The following ABHD2 variants were observed in gnomAD, a reference collection of about 807,000 sequenced individuals.
ABHD2 encodes monoacylglycerol lipase ABHD2.
In ABHD2, 20 loss-of-function variants were observed where a neutral mutation model predicts 48.1. That is an observed-to-expected ratio of 0.42 (90% CI 0.29 to 0.60). ABHD2 has a LOEUF of 0.60. Ranked by LOEUF, ABHD2 falls within the 20% of genes least tolerant of loss-of-function variation. The pLI, the probability that ABHD2 is intolerant of heterozygous loss-of-function variation, is 0.24. For missense variants in ABHD2, 405 were observed against 550.9 expected, an observed-to-expected ratio of 0.74 and a Z score of 2.65; for synonymous variants, 209 against 214.2, an observed-to-expected ratio of 0.98 and a Z score of 0.21.
In ABHD2 at chr15:89,104,902, T is replaced by C. The variant is rs1179007542; in HGVS notation, c.-106-8823T>C. On this transcript the variant is annotated intron_variant, in intron 1 of 10. Transcript: ENST00000352732. The surrounding 1 kb of genome is among the most constrained non-coding windows in gnomAD (Gnocchi z 4.4). ...CCAGTAAACTAGGCACTTGAGCTCA[T>C]TGGGTTCTGGTAAACTGCAATTTTG... is the stretch of plus-strand genomic sequence containing the variant. Among the ~76,000 whole-genome samples, 3 of 152,232 alleles carry C rather than the reference T, an allele frequency of 2.0e-5. No individual in the cohort carries two copies. Among genetic ancestry groups the C allele is most frequent in the Admixed American group, 2.0e-4 (3 of 15,288 alleles).
the ABHD2 span, among the ~76,000 whole-genome samples, chr15:89,061,485 A>G: frequency 6.6e-6 from 1 of 152,268 alleles, no homozygotes; most frequent in Non-Finnish European, 1.5e-5. Flanking sequence ...GATGGGTTCA[A>G]TAGAAGCTCA....
chr15:89,121,155 T>C (rs1252396136), intron 3 of ABHD2, among the ~76,000 whole-genome samples: 1 of 152,246 alleles, frequency 6.6e-6, no homozygotes, highest in Non-Finnish European at 1.5e-5. Flanking sequence ...GATGCAAACC[T>C]AGGTCTTCTA....
rs572520745 is a variant in ABHD2 at position 89,137,142 on chromosome 15, G to A, written c.195-14535G>A. ...GATCCAGGGTTCCAGTGGAACCCTG[G>A]AGACTGGAACTCTGGAGCTTCTTAA... On this transcript the variant is annotated intron_variant, in intron 3 of 10. Transcript: ENST00000352732. The surrounding 1 kb of genome is among the most constrained non-coding windows in gnomAD (Gnocchi z 4.8). 7.2e-5 allele frequency among the ~76,000 whole-genome samples: 11 copies of A among 152,238 alleles called. No individual in the cohort carries two copies. The South Asian group carries it at 2.1e-3, about 29-fold the overall frequency.
chr15:89,151,560 C>T lies in ABHD2; in HGVS notation c.195-117C>T. On this transcript the variant is annotated intron_variant, in intron 3 of 10. Coordinates refer to ENST00000352732, the MANE Select transcript of ABHD2 (RefSeq NM_152924.5). This position sits in a 1 kb window ranked among gnomAD's most constrained non-coding sequence, Gnocchi z 4.7. ...ACGTAATAAAAGCCTCATGTTTATG[C>T]TTTGTGTGCAGAATTTCCCTGGAAC... 1 of 1,128,656 alleles carries T rather than the reference C, an allele frequency of 8.9e-7. No homozygotes were observed. The highest frequency in any genetic ancestry group is 1.5e-5 in the South Asian group (1 of 65,102). 69.9% of individuals were successfully genotyped at this position (1,128,656 alleles called of 1,614,324 possible). A position where few individuals can be genotyped will look rare whatever the true frequency, so the allele number is the denominator to read the frequency against.
At chr15:89,152,046 T>C (rs558365427) in intron 4 of ABHD2, among the ~76,000 whole-genome samples, 194 bp downstream of exon 4, 4 of 152,132 alleles carry the variant, frequency 2.6e-5, no homozygotes, top group African/African-American at 4.8e-5. Flanking sequence ...CCAGTCACCA[T>C]GTAAAGCTCT....
intron 3 of ABHD2, among the ~76,000 whole-genome samples, chr15:89,125,858 C>T (rs1246694074): frequency 6.6e-6 from 1 of 152,204 alleles, no homozygotes; most frequent in Non-Finnish European, 1.5e-5. Flanking sequence ...AATTCATCCA[C>T]CTTCTCTAAC....
chr15:89,054,022 C>G, the ABHD2 span, among the ~76,000 whole-genome samples: 131 of 152,104 alleles, frequency 8.6e-4, 1 homozygote, highest in East Asian at 0.023. Context: ...CATAGACAAG[C>G]CAAAACAAGA....
In ABHD2 at chr15:89,116,095, G is replaced by GTACCC. The variant is rs1287641384; in HGVS notation, c.-6-226_-6-222dup. Among the ~76,000 whole-genome samples, 1 of 152,158 alleles carries GTACCC rather than the reference G, an allele frequency of 6.6e-6. No homozygotes were observed. Among genetic ancestry groups the GTACCC allele is most frequent in the Non-Finnish European group, 1.5e-5 (1 of 68,016 alleles). ...TGTGAAATTATAAAAAGAAAACACA[G>GTACCC]TACCCAGTTTATCCATGCTCAGACT... is the stretch of plus-strand genomic sequence containing the variant. On this transcript the variant is annotated intron_variant, in intron 2 of 10. Transcript: ENST00000352732. The surrounding 1 kb of genome is among the most constrained non-coding windows in gnomAD (Gnocchi z 4.6).
chr15:89,159,778 G>T (rs1005143261), intron 5 of ABHD2, among the ~76,000 whole-genome samples: 2 of 152,096 alleles, frequency 1.3e-5, no homozygotes, highest in Admixed American at 1.3e-4. Flanking sequence ...TTTGTGGATG[G>T]TGTTGTTACA....
intron 5 of ABHD2, among the ~76,000 whole-genome samples, chr15:89,162,634 A>G (rs550519717): frequency 6.6e-6 from 1 of 152,178 alleles, no homozygotes; most frequent in Non-Finnish European, 1.5e-5. Context: ...TCAGGTCTCA[A>G]CCAAGATGTC....
the ABHD2 span, among the ~76,000 whole-genome samples, chr15:89,065,986 G>T: frequency 6.6e-6 from 1 of 152,108 alleles, no homozygotes; most frequent in Non-Finnish European, 1.5e-5. Flanking sequence ...AAGGAAACTC[G>T]GGTTCAATCA....
In ABHD2 at chr15:89,198,083, G is replaced by T. The variant is rs1283285053; in HGVS notation, c.*2660G>T. 3 of 152,120 alleles carry T rather than the reference G, an allele frequency of 2.0e-5. No homozygotes were observed. Among genetic ancestry groups the T allele is most frequent in the Non-Finnish European group, 4.4e-5 (3 of 68,016 alleles). 9.4% of individuals were successfully genotyped at this position (152,120 alleles called of 1,614,324 possible). On this transcript the variant is annotated 3_prime_UTR_variant, in exon 11 of 11. Transcript: ENST00000352732. The surrounding 1 kb of genome is among the most constrained non-coding windows in gnomAD (Gnocchi z 5.1). ...AGGTCATCTTTTTTCCTTCCTCCAGGTGTCCTTGCCTTTCTTCCCAAAGTC... is the reference window on the plus strand; with the variant it reads ...AGGTCATCTTTTTTCCTTCCTCCAGTTGTCCTTGCCTTTCTTCCCAAAGTC...
chr15:89,055,164 C>T, the ABHD2 span, among the ~76,000 whole-genome samples: 1 of 152,136 alleles, frequency 6.6e-6, no homozygotes, highest in Non-Finnish European at 1.5e-5. Flanking sequence ...CGCCACTGTA[C>T]TTCAACCTGA....
chr15:89,193,102 T>C, intron 9 of ABHD2, 133 bp from the exon 10 acceptor site: 1 of 770,900 alleles, frequency 1.3e-6, no homozygotes, highest in South Asian at 1.7e-5. Context: ...TTCCTGTACC[T>C]GTTCAGCAAG....
chr15:89,058,729 A>G, the ABHD2 span, among the ~76,000 whole-genome samples: 2 of 152,260 alleles, frequency 1.3e-5, no homozygotes, highest in East Asian at 3.9e-4. Context: ...CTCATGTCCA[A>G]TGATTGGCAG....
In ABHD2 at chr15:89,195,610, G is replaced by T; in HGVS notation, c.*187G>T. The T allele has an allele frequency of 1.7e-6, 1 of 585,280 alleles. No homozygotes were observed. Among genetic ancestry groups the T allele is most frequent in the East Asian group, 3.1e-5 (1 of 32,536 alleles). The allele number at this position is 585,280 out of a possible 1,614,324, so 36.3% of individuals were successfully genotyped here. ...CCTGGGAGCTCCAGGCTATTTTTGT[G>T]CTTAGTTACTGGTTTTCTCCATTGC... On this transcript the variant is annotated 3_prime_UTR_variant, in exon 11 of 11. Coordinates refer to ENST00000352732, the MANE Select transcript of ABHD2 (RefSeq NM_152924.5). The surrounding 1 kb of genome is among the most constrained non-coding windows in gnomAD (Gnocchi z 5.1).
intron 10 of ABHD2, among the ~76,000 whole-genome samples, chr15:89,193,776 C>T (rs1205606226): frequency 6.6e-6 from 1 of 152,042 alleles, no homozygotes; most frequent in African/African-American, 2.4e-5. Flanking sequence ...ATAGTAAGAC[C>T]CTATCTCTAC....
chr15:89,114,307 A>T lies in ABHD2; in HGVS notation c.-7+483A>T, dbSNP rs762616451. Among the ~76,000 whole-genome samples, 1 of 152,106 alleles carries T rather than the reference A, an allele frequency of 6.6e-6. No individual in the cohort carries two copies. The highest frequency in any genetic ancestry group is 1.5e-5 in the Non-Finnish European group (1 of 68,008). On this transcript the variant is annotated intron_variant, in intron 2 of 10. Coordinates refer to ENST00000352732, the MANE Select transcript of ABHD2 (RefSeq NM_152924.5). This position sits in a 1 kb window ranked among gnomAD's most constrained non-coding sequence, Gnocchi z 4.2. The stretch of plus-strand genomic sequence containing the variant: ...GAACCCTCTGCCCAGAAAACTGCTC[A>T]TGTGCACAAACTTTCACATGATTTC...
At chr15:89,101,558 T>G (rs2049701370) in intron 1 of ABHD2, among the ~76,000 whole-genome samples, 1 of 152,238 alleles carries the variant, frequency 6.6e-6, no homozygotes, top group Admixed American at 6.5e-5. Flanking sequence ...GTGTCCACTA[T>G]GCACTCAACA....
Sources: allele counts gnomAD v4.1 joint callset (sites outside exome capture counted in the v4.1 genomes callset), GRCh38; gene constraint gnomAD v4.1.1; non-coding constraint Gnocchi (gnomAD v3.1); transcripts MANE v1.5; gene names NCBI Gene and HGNC (gene_info 2026-07-23, HGNC 2026-07-21).